The following HTR4 variants were observed in gnomAD, a reference collection of about 807,000 sequenced individuals.
The protein encoded by HTR4 is 5-hydroxytryptamine receptor 4.
Under a neutral mutation model 36.8 loss-of-function variants are expected in HTR4, and 16 were observed. That is an observed-to-expected ratio of 0.43 (90% CI 0.29 to 0.66). The LOEUF (loss-of-function observed/expected upper bound fraction) is 0.66, where lower values mean the gene tolerates loss of function less well. Ranked by LOEUF, HTR4 falls within the 30% of genes least tolerant of loss-of-function variation. HTR4 has a pLI of 0.13. For missense variants in HTR4, 438 were observed against 490.9 expected (o/e 0.89, Z 1.02); for synonymous variants, 189 against 185.1 (o/e 1.02, Z -0.17).
chr5:148,611,457 C>G (rs1407960117), intron 2 of HTR4, among the ~76,000 whole-genome samples: 1 of 136,074 alleles, frequency 7.3e-6, no homozygotes, highest in Non-Finnish European at 1.6e-5. Flanking sequence ...AAATAAAATA[C>G]TTTACAGACA....
At chr5:148,621,312 A>C (rs1165532943) in intron 2 of HTR4, among the ~76,000 whole-genome samples, 2 of 152,208 alleles carry the variant, frequency 1.3e-5, no homozygotes, top group African/African-American at 4.8e-5. Context: ...TGGCCTTGAC[A>C]TAAAAACCTC....
chr5:148,654,464 G>T lies in HTR4; in HGVS notation c.-450C>A. 1 of 985,418 alleles carries T rather than the reference G, an allele frequency of 1.0e-6. No homozygotes were observed. The highest frequency in any genetic ancestry group is 1.2e-6 in the Non-Finnish European group (1 of 829,996). 61.0% of individuals were successfully genotyped at this position (985,418 alleles called of 1,614,324 possible). A position where few individuals can be genotyped will look rare whatever the true frequency, so the allele number is the denominator to read the frequency against. ...GGGGAGTGGGCACAGAGGCGGGCTG[G>T]AGCGATCTCACCCGTTCCGGGCTGG... is the stretch of plus-strand genomic sequence containing the variant. On this transcript the variant is annotated 5_prime_UTR_variant, in exon 1 of 7. Transcript: ENST00000377888.
At chr5:148,562,713 C>T (rs1185024674) in intron 2 of HTR4, among the ~76,000 whole-genome samples, 2 of 152,154 alleles carry the variant, frequency 1.3e-5, no homozygotes, top group African/African-American at 4.8e-5. Flanking sequence ...CTCAAACCTG[C>T]TTCCCATATG....
chr5:148,587,418 C>T (rs1397530779), intron 2 of HTR4, among the ~76,000 whole-genome samples: 1 of 152,004 alleles, frequency 6.6e-6, no homozygotes, highest in Non-Finnish European at 1.5e-5. Flanking sequence ...AGTGGTCTGG[C>T]ACAGAGCAAG....
chr5:148,654,451 C>T lies in HTR4; in HGVS notation c.-437G>A, dbSNP rs910194088. On this transcript the variant is annotated 5_prime_UTR_variant, in exon 1 of 7. The change creates a new upstream start codon in the 5' untranslated region. Transcript: ENST00000377888. ...GGCAGGGCGCACAGGGGAGTGGGCA[C>T]AGAGGCGGGCTGGAGCGATCTCACC... 1 of 985,494 alleles carries T rather than the reference C, an allele frequency of 1.0e-6. No individual in the cohort carries two copies. Among genetic ancestry groups the T allele is most frequent in the Non-Finnish European group, 1.2e-6 (1 of 829,976 alleles). The allele number at this position is 985,494 out of a possible 1,614,324, so 61.0% of individuals were successfully genotyped here. A position where few individuals can be genotyped will look rare whatever the true frequency, so the allele number is the denominator to read the frequency against.
chr5:148,584,387 C>T (rs1045292492), intron 2 of HTR4, among the ~76,000 whole-genome samples: 1 of 152,152 alleles, frequency 6.6e-6, no homozygotes, highest in Non-Finnish European at 1.5e-5. Flanking sequence ...TACATGACTC[C>T]ACTTGGTGCC....
At chr5:148,517,025 T>G (rs1308298639) in intron 5 of HTR4, among the ~76,000 whole-genome samples, 1 of 152,214 alleles carries the variant, frequency 6.6e-6, no homozygotes, top group Non-Finnish European at 1.5e-5. Flanking sequence ...TAAGTCTTAT[T>G]TGTCTTGGTT....
intron 2 of HTR4, among the ~76,000 whole-genome samples, chr5:148,550,794 G>A (rs1759644061): frequency 6.6e-6 from 1 of 152,142 alleles, no homozygotes; most frequent in African/African-American, 2.4e-5. Flanking sequence ...AAGGCATGGG[G>A]ACCAAATAAA....
At chr5:148,619,555 C>A (rs934011133) in intron 2 of HTR4, among the ~76,000 whole-genome samples, 3 of 152,078 alleles carry the variant, frequency 2.0e-5, no homozygotes, top group African/African-American at 7.2e-5. Flanking sequence ...TATGTACAGA[C>A]AACGTGGGGC....
In HTR4 at chr5:148,587,245, A is replaced by T. The variant is rs150370255; in HGVS notation, c.27-36983T>A. Among the ~76,000 whole-genome samples the T allele has an allele frequency of 1.1e-4, 16 of 152,356 alleles. No individual in the cohort carries two copies. In the East Asian group the frequency reaches 3.1e-3, roughly 29 times the overall value. On this transcript the variant is annotated intron_variant, in intron 2 of 6. Coordinates refer to ENST00000377888, the MANE Select transcript of HTR4 (RefSeq NM_000870.7). ...AGGACAATATCTTGAAGATATTTAT[A>T]GTCGCATAGGGTATCAGAGGTAAAA... is the stretch of plus-strand genomic sequence containing the variant.
intron 5 of HTR4, among the ~76,000 whole-genome samples, chr5:148,460,678 G>C (rs1040059493): frequency 1.3e-5 from 2 of 152,030 alleles, no homozygotes; most frequent in Admixed American, 6.6e-5. Context: ...AAATAAATAG[G>C]CCAGATTCTC....
rs56021250 is a variant in HTR4, at chr5:148,540,400, GTATATATATATATATATATATATATA to G, written c.353+8242_353+8267del. Among the ~76,000 whole-genome samples, 73 of 74,288 alleles carry G rather than the reference GTATATATATATATATATATATATATA, an allele frequency of 9.8e-4. 1 individual carries two copies. Among genetic ancestry groups the G allele is most frequent in the African/African-American group, 2.6e-3 (39 of 15,112 alleles). The allele number at this position is 74,288 out of a possible 152,430, so 48.7% of individuals were successfully genotyped here. On this transcript the variant is annotated intron_variant, in intron 4 of 6. Coordinates refer to ENST00000377888, the MANE Select transcript of HTR4 (RefSeq NM_000870.7). ...ATTTTAGGTTTTATTTTATGTGTGT[GTATATATATATATATATATATATATA>G]TATATATATATATATATATATAATC...
At chr5:148,573,745 C>T (rs1162018828) in intron 2 of HTR4, among the ~76,000 whole-genome samples, 1 of 151,932 alleles carries the variant, frequency 6.6e-6, no homozygotes, top group African/African-American at 2.4e-5. Context: ...CATCCCTGCC[C>T]TAATCACCAG....
chr5:148,613,082 G>A (rs1256229987), intron 2 of HTR4, among the ~76,000 whole-genome samples: 2 of 143,808 alleles, frequency 1.4e-5, no homozygotes, highest in Admixed American at 6.9e-5. Flanking sequence ...TGGATTCACA[G>A]CCGAATTCTA....
intron 2 of HTR4, among the ~76,000 whole-genome samples, chr5:148,625,133 G>A (rs926167800): frequency 4.6e-5 from 7 of 152,154 alleles, no homozygotes; most frequent in African/African-American, 1.7e-4. Context: ...GCTGGGATTA[G>A]GCTATAGAAA....
chr5:148,522,818 G>T (rs941251258), intron 5 of HTR4, among the ~76,000 whole-genome samples: 2 of 152,116 alleles, frequency 1.3e-5, no homozygotes, highest in African/African-American at 4.8e-5. Flanking sequence ...TCTTGCTGAA[G>T]ACAGGCCAAG....
intron 2 of HTR4, among the ~76,000 whole-genome samples, chr5:148,592,325 A>G (rs1445088395): frequency 2.0e-5 from 3 of 152,018 alleles, no homozygotes; most frequent in Non-Finnish European, 4.4e-5. Flanking sequence ...TGTACAACAA[A>G]CTCCCATGCC....
chr5:148,482,051 G>T lies in HTR4; in HGVS notation c.*1152C>A. 1 of 980,120 alleles carries T rather than the reference G, an allele frequency of 1.0e-6. No individual in the cohort carries two copies. Among genetic ancestry groups the T allele is most frequent in the Non-Finnish European group, 1.2e-6 (1 of 824,380 alleles). 60.7% of individuals were successfully genotyped at this position (980,120 alleles called of 1,614,324 possible). A position where few individuals can be genotyped will look rare whatever the true frequency, so the allele number is the denominator to read the frequency against. ...TTGAGTGCACAGATGTGGAAAGTGGGGTCCAGAGATGAAAGAACACTATTC... is the reference window on the plus strand; with the variant it reads ...TTGAGTGCACAGATGTGGAAAGTGGTGTCCAGAGATGAAAGAACACTATTC... On this transcript the variant is annotated 3_prime_UTR_variant, in exon 7 of 7. Transcript: ENST00000377888.
chr5:148,478,291 C>T (rs575622936), downstream of HTR4, among the ~76,000 whole-genome samples: 11 of 151,886 alleles, frequency 7.2e-5, no homozygotes, highest in South Asian at 4.2e-4. Context: ...TGGAACTAGG[C>T]GATTTGTAAA....
Sources: gnomAD v4.1 joint callset for allele counts (sites outside exome capture counted in the v4.1 genomes callset) on GRCh38, gnomAD v4.1.1 for gene constraint, MANE v1.5 for transcripts, NCBI Gene and HGNC (gene_info 2026-07-23, HGNC 2026-07-21) for gene names.